The following EPHB2 variants were observed in gnomAD, a reference collection of about 807,000 sequenced individuals.
EPHB2 encodes EPH receptor B2, also known as ephrin type-B receptor 2.
EPHB2 carries 18 observed loss-of-function variants against 96.4 expected under a neutral mutation model. That is an observed-to-expected ratio of 0.19 (90% CI 0.13 to 0.28). EPHB2 has a LOEUF of 0.28. EPHB2 is among the 10% of genes least tolerant of loss of function. EPHB2 has a pLI of 1.00. For synonymous variants in EPHB2, 506 were observed against 534.1 expected, an observed-to-expected ratio of 0.95 and a Z score of 0.72; for missense variants, 989 against 1,355.4, an observed-to-expected ratio of 0.73 and a Z score of 4.25.
intron 3 of EPHB2, among the ~76,000 whole-genome samples, chr1:22,834,801 C>G (rs1645355780): frequency 6.6e-6 from 1 of 151,776 alleles, no homozygotes; most frequent in East Asian, 1.9e-4. Flanking sequence ...TGGCATGCAC[C>G]TGTAACCCAG....
At chr1:22,882,601 G>A (rs1294399475) in intron 6 of EPHB2, 118 bp downstream of exon 6, 23 of 1,526,206 alleles carry the variant, frequency 1.5e-5, no homozygotes, top group Non-Finnish European at 2.1e-5. Context: ...AGCAGAAAGA[G>A]CACTGGCCTT....
At position 22,720,080 on chromosome 1, in the gene EPHB2, G is replaced by A. The variant is rs116424232; in HGVS notation, c.61+9037G>A. ...AAGGCTGGAAGGCTGGTCCCCCTAC[G>A]CTCCTCGCTATCTCCCATCCTTTGC... On this transcript the variant is annotated intron_variant, in intron 1 of 15. Transcript: ENST00000374630. Among the ~76,000 whole-genome samples, 638 of 152,254 alleles carry A rather than the reference G, an allele frequency of 4.2e-3. 7 individuals are homozygous for A. The highest frequency in any genetic ancestry group is 4.2e-3 in the Non-Finnish European group (285 of 68,016).
At chr1:22,900,866 G>A (rs1383556285) in intron 9 of EPHB2, among the ~76,000 whole-genome samples, 1 of 152,208 alleles carries the variant, frequency 6.6e-6, no homozygotes, top group Non-Finnish European at 1.5e-5. Context: ...AGGAAGCTGA[G>A]GCCCAGAGAT....
chr1:22,839,598 G>T (rs959292410), intron 3 of EPHB2, among the ~76,000 whole-genome samples: 3 of 152,168 alleles, frequency 2.0e-5, no homozygotes, highest in African/African-American at 7.2e-5. Context: ...CAGGGTGGTG[G>T]TTAAGGAAGG....
At chr1:22,813,763 T>A (rs1481965350) in intron 3 of EPHB2, among the ~76,000 whole-genome samples, 2 of 152,214 alleles carry the variant, frequency 1.3e-5, no homozygotes, top group Non-Finnish European at 2.9e-5. Context: ...TTAGGGAGCC[T>A]TCACAGCCCT....
At position 22,780,383 on chromosome 1, in the gene EPHB2, G is replaced by C. The variant is rs72880952; in HGVS notation, c.62-1038G>C. On this transcript the variant is annotated intron_variant, in intron 1 of 15. Transcript: ENST00000374630. Reference sequence around the variant, plus strand: ...CTGAACCCCCACAGGCCATGTGACAGTTGGCCCCTACTGGGTGCAGTGCTT... The same window carrying C: ...CTGAACCCCCACAGGCCATGTGACACTTGGCCCCTACTGGGTGCAGTGCTT... Among the ~76,000 whole-genome samples, 666 of 152,324 alleles carry C rather than the reference G, an allele frequency of 4.4e-3. 4 individuals carry two copies. The highest frequency in any genetic ancestry group is 0.015 in the African/African-American group (628 of 41,570).
chr1:22,774,748 A>G (rs919130356), intron 1 of EPHB2: 4 of 351,394 alleles, frequency 1.1e-5, no homozygotes, highest in Non-Finnish European at 1.6e-5. Context: ...GGACTTTAGG[A>G]ACATCACCCA....
intron 1 of EPHB2, among the ~76,000 whole-genome samples, chr1:22,772,139 A>G (rs1378972158): frequency 1.3e-5 from 2 of 151,584 alleles, no homozygotes; most frequent in South Asian, 2.1e-4. Context: ...TGGGTCCCCA[A>G]GTAGCGAATC....
chr1:22,832,496 T>G (rs1222447790), intron 3 of EPHB2, among the ~76,000 whole-genome samples: 1 of 152,154 alleles, frequency 6.6e-6, no homozygotes, highest in Non-Finnish European at 1.5e-5. Context: ...TTAAGGGACT[T>G]GTTCAGAATC....
rs193095511 is a variant in EPHB2, at chr1:22,763,584, G to A, written c.62-17837G>A. Among the ~76,000 whole-genome samples, 563 of 152,282 alleles carry A rather than the reference G, an allele frequency of 3.7e-3. 5 individuals carry two copies. The highest frequency in any genetic ancestry group is 0.013 in the African/African-American group (529 of 41,558). On this transcript the variant is annotated intron_variant, in intron 1 of 15. Transcript: ENST00000374630. The stretch of plus-strand genomic sequence containing the variant: ...CAGAGGGTCTGGGTGGTTTCTCAGC[G>A]GCAAGGAGTGAGTGTGTGGGGTTCA...
At chr1:22,785,881 A>G (rs969130034) in intron 3 of EPHB2, among the ~76,000 whole-genome samples, 1 of 152,238 alleles carries the variant, frequency 6.6e-6, no homozygotes, top group African/African-American at 2.4e-5. Context: ...GACAGAAAGT[A>G]CTGTTGTATA....
chr1:22,901,652 A>C (rs1639750234), intron 9 of EPHB2, among the ~76,000 whole-genome samples: 1 of 152,168 alleles, frequency 6.6e-6, no homozygotes, highest in South Asian at 2.1e-4. Context: ...TCTGGCCACC[A>C]GGCACTCACT....
In EPHB2 at chr1:22,915,011, G is replaced by T. The variant is rs879139263; in HGVS notation, c.*1441G>T. 1 of 152,630 alleles carries T rather than the reference G, an allele frequency of 6.6e-6. No homozygotes were observed. The highest frequency in any genetic ancestry group is 2.1e-4 in the South Asian group (1 of 4,836). The allele number at this position is 152,630 out of a possible 1,614,324, so 9.5% of individuals were successfully genotyped here. On this transcript the variant is annotated 3_prime_UTR_variant, in exon 16 of 16. Coordinates refer to ENST00000374630, the MANE Select transcript of EPHB2 (RefSeq NM_017449.5). ...AGTGCCCTCAGATGGTCAAAACCCA[G>T]TTTTCCCTCTGGGAGCCTAAACCAG...
At chr1:22,764,054 A>T (rs942097200) in intron 1 of EPHB2, among the ~76,000 whole-genome samples, 4 of 152,150 alleles carry the variant, frequency 2.6e-5, no homozygotes, top group African/African-American at 9.7e-5. Context: ...TCCTAATCTC[A>T]TCTCATTTGC....
At chr1:22,755,835 A>G (rs1225998543) in intron 1 of EPHB2, among the ~76,000 whole-genome samples, 1 of 152,196 alleles carries the variant, frequency 6.6e-6, no homozygotes, top group Non-Finnish European at 1.5e-5. Context: ...ATTATTAGTC[A>G]CAGGGAAGAA....
intron 3 of EPHB2, among the ~76,000 whole-genome samples, chr1:22,810,078 T>C (rs533283481): frequency 6.6e-6 from 1 of 152,222 alleles, no homozygotes; most frequent in South Asian, 2.1e-4. Context: ...GTGCTTTGCG[T>C]GCTAGGGAAG....
At chr1:22,792,183 T>G (rs1449079543) in intron 3 of EPHB2, among the ~76,000 whole-genome samples, 1 of 124,816 alleles carries the variant, frequency 8.0e-6, no homozygotes, top group Non-Finnish European at 1.7e-5. Context: ...CAGAAGTGTC[T>G]GGGGGAGTCT....
intron 3 of EPHB2, among the ~76,000 whole-genome samples, chr1:22,816,726 C>A (rs1297584924): frequency 6.6e-6 from 1 of 152,230 alleles, no homozygotes; most frequent in South Asian, 2.1e-4. Flanking sequence ...ATAGGCCTGA[C>A]TCCCAGGGTG....
chr1:22,757,945 G>T (rs1407338111), intron 1 of EPHB2, among the ~76,000 whole-genome samples: 1 of 121,264 alleles, frequency 8.2e-6, no homozygotes, highest in African/African-American at 3.2e-5. Flanking sequence ...TTGAGACGGA[G>T]TCTCGCTCTG....
Sources: gnomAD v4.1 joint callset for allele counts (sites outside exome capture counted in the v4.1 genomes callset) on GRCh38, gnomAD v4.1.1 for gene constraint, MANE v1.5 for transcripts, NCBI Gene and HGNC (gene_info 2026-07-23, HGNC 2026-07-21) for gene names.